Variants in BACH1 observed in about 807,000 individuals in gnomAD.
BACH1 encodes the protein BTB domain and CNC homolog 1.
Under a neutral mutation model 52.9 loss-of-function variants are expected in BACH1, and 35 were observed. The ratio of observed to expected loss-of-function variants is 0.66; its 90% CI spans 0.51 to 0.88. BACH1 has a LOEUF of 0.88. BACH1 is among the 40% of genes least tolerant of loss of function. The pLI is 0.00. For synonymous variants in BACH1, 321 were observed against 319.6 expected (o/e 1.00, Z -0.05); for missense variants, 808 against 872.6 (o/e 0.93, Z 0.93).
chr21:29,327,650 C>T (rs879312896), intron 3 of BACH1, among the ~76,000 whole-genome samples: 5 of 152,010 alleles, frequency 3.3e-5, no homozygotes, highest in East Asian at 1.9e-4. Context: ...GCCAACATGG[C>T]GAATCTCCGT....
chr21:29,351,751 G>A, intron 2 of BACH1: 1 of 534,734 alleles, frequency 1.9e-6, no homozygotes, highest in Admixed American at 1.9e-5. Context: ...GAAGCTTAAT[G>A]TGGAATCAAG....
chr21:29,321,990 C>T (rs1416598414), intron 2 of BACH1, among the ~76,000 whole-genome samples: 5 of 152,114 alleles, frequency 3.3e-5, no homozygotes, highest in Non-Finnish European at 7.4e-5. Flanking sequence ...GGGGAGACCT[C>T]ACAATCATGG....
chr21:29,357,450 C>T (rs1159588673), intron 2 of BACH1, among the ~76,000 whole-genome samples: 1 of 152,202 alleles, frequency 6.6e-6, no homozygotes, highest in Admixed American at 6.5e-5. Context: ...CACGCATGTA[C>T]ATATTTGAAG....
chr21:29,321,424 C>T lies in BACH1; in HGVS notation c.144C>T (p.His48=), dbSNP rs547388326. The T allele has an allele frequency of 1.0e-4, 167 of 1,614,090 alleles. No homozygotes were observed. The highest frequency in any genetic ancestry group is 1.3e-4 in the Non-Finnish European group (158 of 1,180,054). Residue 48 remains histidine, a synonymous_variant, in exon 2 of 5, where the codon CAC becomes CAT. Transcript: ENST00000286800. ...IFVEGQRFRA[H]RSVLAACSSY... ...TGGAGGGACAGCGGTTCCGCGCTCACCGGTCCGTGCTGGCGGCATGCAGCA... is the reference window on the plus strand; with the variant it reads ...TGGAGGGACAGCGGTTCCGCGCTCATCGGTCCGTGCTGGCGGCATGCAGCA...
At chr21:29,359,282 A>G (rs1298942995) in intron 2 of BACH1, 1 of 151,638 alleles carries the variant, frequency 6.6e-6, no homozygotes, top group Non-Finnish European at 1.5e-5. Context: ...GTTTGACACA[A>G]TGATTGTCTC....
downstream of BACH1, among the ~76,000 whole-genome samples, chr21:29,350,224 TC>T (rs2089194789): frequency 6.6e-6 from 1 of 152,214 alleles, no homozygotes; most frequent in African/African-American, 2.4e-5. Context: ...TTCACAAGAC[TC>T]CCAATCACAT....
At chr21:29,314,503 T>C (rs971217943) in intron 1 of BACH1, among the ~76,000 whole-genome samples, 1 of 152,228 alleles carries the variant, frequency 6.6e-6, no homozygotes, top group Non-Finnish European at 1.5e-5. Flanking sequence ...TAGTTTTTAA[T>C]GTTAGGAAAA....
intron 4 of BACH1, among the ~76,000 whole-genome samples, chr21:29,335,037 G>A (rs949298856): frequency 1.3e-5 from 2 of 152,174 alleles, no homozygotes; most frequent in Admixed American, 1.3e-4. Flanking sequence ...GTCTATACCA[G>A]AGCTGTTGTT....
chr21:29,322,381 G>A (rs189605716), intron 2 of BACH1, among the ~76,000 whole-genome samples: 43 of 152,256 alleles, frequency 2.8e-4, no homozygotes, highest in African/African-American at 9.1e-4. Flanking sequence ...ACAGTGTTGC[G>A]TCATTTTTAT....
chr21:29,347,478 T>A (rs1011660938), downstream of BACH1, among the ~76,000 whole-genome samples: 1 of 152,212 alleles, frequency 6.6e-6, no homozygotes, highest in Non-Finnish European at 1.5e-5. Flanking sequence ...AGAGGGTGTT[T>A]CTTGCCCTGG....
intron 4 of BACH1, among the ~76,000 whole-genome samples, chr21:29,331,898 G>T (rs1345187259): frequency 6.6e-6 from 1 of 151,780 alleles, no homozygotes; most frequent in Non-Finnish European, 1.5e-5. Context: ...ATTTTATTTG[G>T]TTTATTTATT....
chr21:29,303,522 T>C (rs1335265695), intron 1 of BACH1, among the ~76,000 whole-genome samples: 3 of 152,230 alleles, frequency 2.0e-5, no homozygotes, highest in African/African-American at 4.8e-5. Context: ...GTGTGGTACC[T>C]TGTAAGTGTG....
chr21:29,347,760 A>AAGGCT (rs1304346732), downstream of BACH1, among the ~76,000 whole-genome samples: 1 of 152,196 alleles, frequency 6.6e-6, no homozygotes, highest in Non-Finnish European at 1.5e-5. Flanking sequence ...AATGAATTCA[A>AAGGCT]AGGCTACTCT....
chr21:29,327,463 C>T lies in BACH1; in HGVS notation c.1569+70C>T, dbSNP rs1229395592. The T allele has an allele frequency of 4.6e-6, 7 of 1,528,164 alleles. No individual in the cohort carries two copies. The East Asian group carries it at 1.6e-4, about 35-fold the overall frequency. 94.7% of individuals were successfully genotyped at this position (1,528,164 alleles called of 1,614,324 possible). ...ATTGGGATTTACTGTGGATCAGCTCCCTTTGCATCATTAGGGATATAATCA... is the reference window on the plus strand; with the variant it reads ...ATTGGGATTTACTGTGGATCAGCTCTCTTTGCATCATTAGGGATATAATCA... On this transcript the variant is annotated intron_variant, in intron 3 of 4. Coordinates refer to ENST00000286800, the MANE Select transcript of BACH1 (RefSeq NM_001186.4).
chr21:29,319,166 GAA>G (rs1378585334), intron 1 of BACH1, among the ~76,000 whole-genome samples: 1 of 152,182 alleles, frequency 6.6e-6, no homozygotes, highest in Admixed American at 6.5e-5. Flanking sequence ...GCCTGGTGAA[GAA>G]TTACAGCTTA....
At chr21:29,337,905 G>A (rs925693600) in intron 4 of BACH1, among the ~76,000 whole-genome samples, 3 of 151,844 alleles carry the variant, frequency 2.0e-5, no homozygotes, top group Non-Finnish European at 2.9e-5. Flanking sequence ...CTCCAGCCTG[G>A]GCTACAAGAG....
At chr21:29,352,568 C>G (rs1188447046) in intron 2 of BACH1, 1 of 151,732 alleles carries the variant, frequency 6.6e-6, no homozygotes, top group Admixed American at 6.6e-5. Flanking sequence ...TTAATTTGCT[C>G]TGTTGCCCAG....
intron 2 of BACH1, among the ~76,000 whole-genome samples, chr21:29,357,551 A>C (rs2089242451): frequency 6.6e-6 from 1 of 152,160 alleles, no homozygotes; most frequent in Admixed American, 6.5e-5. Context: ...TGCCATTTAC[A>C]TCATGAGTAG....
chr21:29,342,969 T>A lies in BACH1; in HGVS notation c.*136T>A. The A allele has an allele frequency of 3.6e-6, 3 of 833,606 alleles. No individual in the cohort carries two copies. Among genetic ancestry groups the A allele is most frequent in the Non-Finnish European group, 5.2e-6 (3 of 575,406 alleles). 51.6% of individuals were successfully genotyped at this position (833,606 alleles called of 1,614,324 possible). On this transcript the variant is annotated 3_prime_UTR_variant, in exon 5 of 5. Transcript: ENST00000286800. The stretch of plus-strand genomic sequence containing the variant: ...TAGTTTACCATAAGGGAATTTCCTT[T>A]AAGTCAACCATGATTTCTCCTTGAT...
Sources: gnomAD v4.1 joint callset for allele counts (sites outside exome capture counted in the v4.1 genomes callset) on GRCh38, gnomAD v4.1.1 for gene constraint, MANE v1.5 for transcripts, NCBI Gene and HGNC (gene_info 2026-07-23, HGNC 2026-07-21) for gene names.